Variants in BBX observed in about 807,000 individuals in gnomAD.
BBX encodes the protein HMG box transcription factor BBX.
A neutral mutation model predicts 100.2 loss-of-function variants in BBX; 30 were observed. That is an observed-to-expected ratio of 0.30 (90% CI 0.22 to 0.41). The LOEUF (loss-of-function observed/expected upper bound fraction) is 0.41. BBX is among the 10% of genes least tolerant of loss of function. BBX has a pLI of 1.00. For missense variants in BBX, 1,023 were observed against 1,129.8 expected, an observed-to-expected ratio of 0.91 and a Z score of 1.35; for synonymous variants, 376 against 388.1, an observed-to-expected ratio of 0.97 and a Z score of 0.37.
At chr3:107,649,833 C>T (rs2057736353) in intron 3 of BBX, among the ~76,000 whole-genome samples, 1 of 152,072 alleles carries the variant, frequency 6.6e-6, no homozygotes, top group African/African-American at 2.4e-5. Flanking sequence ...TAATTAACTT[C>T]TTGCCACTGG....
intron 2 of BBX, among the ~76,000 whole-genome samples, chr3:107,585,895 TTAAC>T (rs776295238): frequency 8.5e-5 from 13 of 152,202 alleles, no homozygotes; most frequent in Non-Finnish European, 1.6e-4. Flanking sequence ...CAGTGACCCA[TTAAC>T]TAAGAGGTTT....
intron 3 of BBX, among the ~76,000 whole-genome samples, chr3:107,704,048 G>A (rs1188988937): frequency 1.3e-5 from 2 of 152,140 alleles, no homozygotes; most frequent in African/African-American, 4.8e-5. Flanking sequence ...TTTGAGCTGG[G>A]TTTCCTGGGT....
At chr3:107,606,802 G>T (rs147059687) in intron 2 of BBX, among the ~76,000 whole-genome samples, 14 of 152,004 alleles carry the variant, frequency 9.2e-5, no homozygotes, top group African/African-American at 3.4e-4. Context: ...CAAACAATCC[G>T]ATTATACTCT....
chr3:107,756,224 T>C (rs2065464355), intron 10 of BBX, among the ~76,000 whole-genome samples: 1 of 152,072 alleles, frequency 6.6e-6, no homozygotes, highest in Non-Finnish European at 1.5e-5. Context: ...AGAGACCTTA[T>C]TAGTGGGGGA....
At position 107,809,760 on chromosome 3, in the gene BBX, G is replaced by A. The variant is rs1394210878; in HGVS notation, c.*4303G>A. On this transcript the variant is annotated 3_prime_UTR_variant, in exon 18 of 18. Coordinates refer to ENST00000325805, the MANE Select transcript of BBX (RefSeq NM_001142568.3). ...ACTGCTAGGTAGAAATTAAAACTTAGCTTTCCCAAATAGCTCCTTATTTTG... is the reference window on the plus strand; with the variant it reads ...ACTGCTAGGTAGAAATTAAAACTTAACTTTCCCAAATAGCTCCTTATTTTG... 6.6e-6 allele frequency: 1 copy of A among 152,168 alleles called. No individual in the cohort carries two copies. Among genetic ancestry groups the A allele is most frequent in the Non-Finnish European group, 1.5e-5 (1 of 68,022 alleles). 9.4% of individuals were successfully genotyped at this position (152,168 alleles called of 1,614,324 possible). A position where few individuals can be genotyped will look rare whatever the true frequency, so the allele number is the denominator to read the frequency against.
chr3:107,717,538 A>G (rs1028991865), intron 5 of BBX, among the ~76,000 whole-genome samples: 3 of 152,182 alleles, frequency 2.0e-5, no homozygotes, highest in Admixed American at 6.6e-5. Context: ...AATATTTAAA[A>G]CCAATAAATG....
rs374191573 is a variant in BBX, at chr3:107,805,470, T to C, written c.*13T>C. The C allele has an allele frequency of 5.6e-6, 9 of 1,614,150 alleles. No individual in the cohort carries two copies. Among genetic ancestry groups the C allele is most frequent in the Non-Finnish European group, 7.6e-6 (9 of 1,179,960 alleles). ...CGCTGACCAGTGAAGCGCCCTTTCA[T>C]TGTAAAACATTGTGCTTTACCTACT... On this transcript the variant is annotated 3_prime_UTR_variant, in exon 18 of 18. Transcript: ENST00000325805.
intron 2 of BBX, among the ~76,000 whole-genome samples, chr3:107,576,276 C>A (rs1179994012): frequency 1.3e-5 from 2 of 152,132 alleles, no homozygotes; most frequent in African/African-American, 4.8e-5. Flanking sequence ...AACTGGCATC[C>A]AGTCTTGCCT....
At chr3:107,600,496 A>G (rs2053985833) in intron 2 of BBX, among the ~76,000 whole-genome samples, 1 of 152,232 alleles carries the variant, frequency 6.6e-6, no homozygotes, top group African/African-American at 2.4e-5. Context: ...AATTTATTTT[A>G]CAAAACTTGG....
intron 7 of BBX, among the ~76,000 whole-genome samples, chr3:107,737,884 G>GCTTTT (rs2063743766): frequency 2.0e-5 from 1 of 48,886 alleles, no homozygotes; most frequent in African/African-American, 8.9e-5. Flanking sequence ...CAGAGTTCCA[G>GCTTTT]TTTTTTTTTT....
chr3:107,765,879 T>A (rs1302470172), intron 10 of BBX, among the ~76,000 whole-genome samples: 1 of 152,154 alleles, frequency 6.6e-6, no homozygotes, highest in East Asian at 1.9e-4. Context: ...TTGTATCTTA[T>A]GGAAATGCCT....
At chr3:107,702,663 A>T (rs1287670291) in intron 3 of BBX, among the ~76,000 whole-genome samples, 1 of 152,246 alleles carries the variant, frequency 6.6e-6, no homozygotes, top group Non-Finnish European at 1.5e-5. Context: ...TGAAATCATT[A>T]TACATACATT....
chr3:107,537,465 T>G (rs1017463744), intron 2 of BBX, among the ~76,000 whole-genome samples: 8 of 152,094 alleles, frequency 5.3e-5, no homozygotes. Context: ...TTAATAAGAG[T>G]TCTAGCCCAA....
intron 2 of BBX, among the ~76,000 whole-genome samples, chr3:107,569,548 A>G (rs550806621): frequency 4.5e-4 from 68 of 152,274 alleles, no homozygotes; most frequent in Admixed American, 2.4e-3. Context: ...AAAGGGCGGC[A>G]ATGAGATGTG....
At chr3:107,686,251 T>C (rs1292327234) in intron 3 of BBX, among the ~76,000 whole-genome samples, 1 of 152,190 alleles carries the variant, frequency 6.6e-6, no homozygotes, top group African/African-American at 2.4e-5. Flanking sequence ...ATTAAATTGG[T>C]GAGTTTAGAT....
intron 10 of BBX, among the ~76,000 whole-genome samples, chr3:107,763,913 G>A (rs1161978826): frequency 6.6e-6 from 1 of 152,104 alleles, no homozygotes; most frequent in Non-Finnish European, 1.5e-5. Context: ...GTATTCTTGG[G>A]AGGTATAACT....
At chr3:107,777,226 G>C (rs1344446858) in intron 12 of BBX, among the ~76,000 whole-genome samples, 3 of 152,102 alleles carry the variant, frequency 2.0e-5, no homozygotes, top group Admixed American at 6.6e-5. Flanking sequence ...AGTACCATCA[G>C]CGGTTTCAGG....
chr3:107,625,192 C>T (rs2056078127), intron 2 of BBX, among the ~76,000 whole-genome samples: 1 of 152,152 alleles, frequency 6.6e-6, no homozygotes, highest in African/African-American at 2.4e-5. Flanking sequence ...TAATTTTATA[C>T]TTTTATCTCT....
rs1354215548 is a variant in BBX at position 107,808,906 on chromosome 3, A to C, written c.*3449A>C. On this transcript the variant is annotated 3_prime_UTR_variant, in exon 18 of 18. Transcript: ENST00000325805. ...CCAAAGCCATGTTAAAATAATTCCC[A>C]CGTTATCATTGTGATTCTACTTCCT... 6.6e-6 allele frequency: 1 copy of C among 152,182 alleles called. No homozygotes were observed. Among genetic ancestry groups the C allele is most frequent in the Non-Finnish European group, 1.5e-5 (1 of 68,028 alleles). The allele number at this position is 152,182 out of a possible 1,614,324, so 9.4% of individuals were successfully genotyped here. A position where few individuals can be genotyped will look rare whatever the true frequency, so the allele number is the denominator to read the frequency against.
Sources: gnomAD v4.1 joint callset for allele counts (sites outside exome capture counted in the v4.1 genomes callset) on GRCh38, gnomAD v4.1.1 for gene constraint, MANE v1.5 for transcripts, NCBI Gene and HGNC (gene_info 2026-07-23, HGNC 2026-07-21) for gene names.